ETF1: variants seen among roughly 807,000 people sequenced by gnomAD.
The protein encoded by ETF1 is eukaryotic peptide chain release factor subunit 1.
ETF1 carries 4 observed loss-of-function variants against 55.1 expected under a neutral mutation model. The observed-to-expected ratio is 0.07, with a 90% CI of 0.04 to 0.17. The LOEUF (loss-of-function observed/expected upper bound fraction) is 0.17. Ranked by LOEUF, ETF1 falls within the 10% of genes least tolerant of loss-of-function variation. ETF1 has a pLI of 1.00. For synonymous variants in ETF1, 157 were observed against 182.3 expected (o/e 0.86, Z 1.12); for missense variants, 142 against 523.6 (o/e 0.27, Z 7.11).
intron 4 of ETF1, among the ~76,000 whole-genome samples, chr5:138,516,820 G>C (rs1765039378): frequency 1.3e-5 from 2 of 152,130 alleles, no homozygotes; most frequent in African/African-American, 2.4e-5. Flanking sequence ...AAAATGTATG[G>C]TCACATAGAA....
chr5:138,523,555 G>T (rs528646363), intron 2 of ETF1, among the ~76,000 whole-genome samples: 49 of 152,156 alleles, frequency 3.2e-4, no homozygotes, highest in Admixed American at 2.0e-3. Context: ...ACCACATATT[G>T]TATAGTTCCA....
At chr5:138,516,749 CTTAAAAAG>C (rs1765036360) in intron 4 of ETF1, among the ~76,000 whole-genome samples, 2 of 152,204 alleles carry the variant, frequency 1.3e-5, no homozygotes, top group African/African-American at 4.8e-5. Flanking sequence ...CTAGCAACTT[CTTAAAAAG>C]TTAAACATAA....
intron 10 of ETF1, 136 bp from the exon 11 acceptor site, chr5:138,508,523 T>A (rs1427282997): frequency 1.3e-6 from 2 of 1,552,992 alleles, no homozygotes; most frequent in Non-Finnish European, 1.7e-6. Flanking sequence ...TAAACATGGG[T>A]CCAAATTAGG....
chr5:138,538,777 A>C (rs1766053817), intron 2 of ETF1, among the ~76,000 whole-genome samples: 1 of 152,222 alleles, frequency 6.6e-6, no homozygotes, highest in African/African-American at 2.4e-5. Context: ...AGGTACTCAA[A>C]CACATCCAAC....
chr5:138,521,657 G>C (rs1198865249), intron 2 of ETF1, among the ~76,000 whole-genome samples: 1 of 152,156 alleles, frequency 6.6e-6, no homozygotes, highest in Non-Finnish European at 1.5e-5. Context: ...CTCCCAAGTA[G>C]CTGGGATTAC....
intron 2 of ETF1, among the ~76,000 whole-genome samples, chr5:138,524,582 T>G (rs1436101824): frequency 5.5e-5 from 8 of 146,694 alleles, no homozygotes; most frequent in African/African-American, 2.0e-4. Flanking sequence ...CTTTCCGTTT[T>G]TTGTTTTTTT....
rs559156558 is a variant in ETF1 at position 138,532,427 on chromosome 5, G to A, written c.86+10406C>T. ...CTTCACAAGATCATGAGGATTCTAC[G>A]AGATCATATATGTCAAGTGCCTAGC... On this transcript the variant is annotated intron_variant, in intron 2 of 10. Transcript: ENST00000360541. Among the ~76,000 whole-genome samples, 31 of 152,252 alleles carry A rather than the reference G, an allele frequency of 2.0e-4. No individual in the cohort carries two copies. The South Asian group carries it at 6.0e-3, about 30-fold the overall frequency.
chr5:138,512,253 TATA>T (rs1375927698), intron 6 of ETF1, among the ~76,000 whole-genome samples: 14 of 12,158 alleles, frequency 1.2e-3, no homozygotes, highest in African/African-American at 4.2e-3. Context: ...TATATATATA[TATA>T]TATTTTTTTT....
At chr5:138,519,884 G>A (rs1007443074) in intron 2 of ETF1, among the ~76,000 whole-genome samples, 6 of 151,568 alleles carry the variant, frequency 4.0e-5, no homozygotes, top group Non-Finnish European at 7.4e-5. Context: ...GCTGATGTGT[G>A]TGAGATGTTG....
intron 2 of ETF1, among the ~76,000 whole-genome samples, chr5:138,532,678 ACG>A (rs1765752827): frequency 6.6e-6 from 1 of 152,208 alleles, no homozygotes; most frequent in African/African-American, 2.4e-5. Context: ...GGTCACCTTT[ACG>A]GGATTACAGG....
chr5:138,526,801 A>T (rs1339049934), intron 2 of ETF1, among the ~76,000 whole-genome samples: 2 of 151,844 alleles, frequency 1.3e-5, no homozygotes, highest in African/African-American at 4.8e-5. Flanking sequence ...CCTGGGTTCA[A>T]GCAATTCTTC....
In ETF1 at chr5:138,523,223, C is replaced by T. The variant is rs556794052; in HGVS notation, c.87-4356G>A. Among the ~76,000 whole-genome samples the T allele has an allele frequency of 1.4e-4, 22 of 152,166 alleles. No individual in the cohort carries two copies. In the South Asian group the frequency reaches 3.3e-3, roughly 23 times the overall value. ...CTCTACTAAAAATACAAAAATTAGC[C>T]GGGCGTGGTGGTGTGTGCCTGTAAT... On this transcript the variant is annotated intron_variant, in intron 2 of 10. Coordinates refer to ENST00000360541, the MANE Select transcript of ETF1 (RefSeq NM_004730.4).
chr5:138,521,952 G>GT (rs1336803793), intron 2 of ETF1, among the ~76,000 whole-genome samples: 1 of 152,144 alleles, frequency 6.6e-6, no homozygotes, highest in African/African-American at 2.4e-5. Context: ...AAGGATTCCT[G>GT]TAAGTTTCAT....
chr5:138,525,550 C>G (rs543178053), intron 2 of ETF1, among the ~76,000 whole-genome samples: 32 of 152,318 alleles, frequency 2.1e-4, no homozygotes, highest in Non-Finnish European at 4.3e-4. Flanking sequence ...CTGACCTGAT[C>G]TAAAGGCTGG....
chr5:138,510,080 G>A (rs917584203), intron 9 of ETF1, among the ~76,000 whole-genome samples: 10 of 148,622 alleles, frequency 6.7e-5, no homozygotes, highest in African/African-American at 1.7e-4. Flanking sequence ...AAAAAAGACC[G>A]GTCATGGTGG....
chr5:138,531,010 T>C (rs1041088834), intron 2 of ETF1, among the ~76,000 whole-genome samples: 3 of 152,174 alleles, frequency 2.0e-5, no homozygotes, highest in East Asian at 3.8e-4. Flanking sequence ...CCCAGAGCAG[T>C]TGCTTGCTGC....
chr5:138,533,160 G>A (rs773789697), intron 2 of ETF1, among the ~76,000 whole-genome samples: 4 of 151,706 alleles, frequency 2.6e-5, no homozygotes, highest in African/African-American at 9.7e-5. Flanking sequence ...GACTGGTCTC[G>A]AACTCCTGAC....
In ETF1 at chr5:138,517,415, A is replaced by C. The variant is rs544714267; in HGVS notation, c.402+146T>G. ...AAAATAAAAAAATAAAAATAAAAGA[A>C]GTACAGCACAAGCATATCTATGGAA... On this transcript the variant is annotated intron_variant, in intron 4 of 10. Transcript: ENST00000360541. The C allele has an allele frequency of 9.7e-6, 4 of 412,350 alleles. No individual in the cohort carries two copies. The South Asian group carries it at 4.6e-4, about 48-fold the overall frequency. 25.5% of individuals were successfully genotyped at this position (412,350 alleles called of 1,614,324 possible).
chr5:138,540,261 A>T (rs1352416208), intron 2 of ETF1, among the ~76,000 whole-genome samples: 1 of 152,172 alleles, frequency 6.6e-6, no homozygotes, highest in Non-Finnish European at 1.5e-5. Context: ...CCAAAACAAT[A>T]CTGTTACTCA....
Sources: allele counts gnomAD v4.1 joint callset (sites outside exome capture counted in the v4.1 genomes callset), GRCh38; gene constraint gnomAD v4.1.1; transcripts MANE v1.5; gene names NCBI Gene and HGNC (gene_info 2026-07-23, HGNC 2026-07-21).